Variants in MSI2 observed in about 807,000 individuals in gnomAD.
The protein encoded by MSI2 is RNA-binding protein Musashi homolog 2.
A neutral mutation model predicts 45.6 loss-of-function variants in MSI2; 17 were observed. The ratio of observed to expected loss-of-function variants is 0.37; its 90% confidence interval spans 0.26 to 0.56. MSI2 has a LOEUF of 0.56. Ranked by LOEUF, MSI2 falls within the 20% of genes least tolerant of loss-of-function variation. The probability of loss-of-function intolerance (pLI) is 0.77; values close to 1 mark genes in which losing one functional copy is unlikely to be tolerated. For missense variants in MSI2, 293 were observed against 444.2 expected (o/e 0.66, Z 3.06); for synonymous variants, 156 against 158.2 (o/e 0.99, Z 0.11).
intron 6 of MSI2, among the ~76,000 whole-genome samples, chr17:57,460,999 G>A (rs2085216277): frequency 6.6e-6 from 1 of 152,206 alleles, no homozygotes; most frequent in South Asian, 2.1e-4. Context: ...AGCCCTCTTT[G>A]TAGGTGCTTT....
intron 7 of MSI2, among the ~76,000 whole-genome samples, chr17:57,547,848 A>G (rs1469658922): frequency 1.3e-5 from 2 of 151,944 alleles, no homozygotes; most frequent in East Asian, 1.9e-4. Flanking sequence ...CTCTAAGGAA[A>G]GGATTGTTTC....
At chr17:57,330,305 G>C (rs1178135721) in intron 5 of MSI2, among the ~76,000 whole-genome samples, 1 of 146,762 alleles carries the variant, frequency 6.8e-6, no homozygotes, top group African/African-American at 2.5e-5. Flanking sequence ...TTTTTTTTGA[G>C]ACAGAGTCTC....
At chr17:57,648,792 G>A (rs1018091614) in intron 10 of MSI2, among the ~76,000 whole-genome samples, 1 of 152,150 alleles carries the variant, frequency 6.6e-6, no homozygotes, top group Non-Finnish European at 1.5e-5. Flanking sequence ...CTCTGCTAAG[G>A]CAGTCCCCTC....
chr17:57,310,145 G>C (rs898945417), intron 5 of MSI2, among the ~76,000 whole-genome samples: 1 of 152,240 alleles, frequency 6.6e-6, no homozygotes, highest in Non-Finnish European at 1.5e-5. Context: ...GCCTGGACCT[G>C]TGTTCTGCTT....
At chr17:57,390,870 G>A (rs551567406) in intron 5 of MSI2, among the ~76,000 whole-genome samples, 47 of 152,142 alleles carry the variant, frequency 3.1e-4, no homozygotes, top group Admixed American at 5.9e-4. Context: ...CTGTAGTCTC[G>A]GCCATTCCTT....
intron 7 of MSI2, among the ~76,000 whole-genome samples, chr17:57,554,458 CT>C (rs2087384938): frequency 6.6e-6 from 1 of 152,178 alleles, no homozygotes; most frequent in South Asian, 2.1e-4. Context: ...CATCCCCCCT[CT>C]CCTCCTCAGC....
chr17:57,647,663 G>A (rs1313565758), intron 10 of MSI2, among the ~76,000 whole-genome samples: 1 of 148,290 alleles, frequency 6.7e-6, no homozygotes, highest in Non-Finnish European at 1.5e-5. Context: ...TTTTTTCTTC[G>A]AGACAGAGTC....
At chr17:57,661,762 G>A (rs1912008007) in intron 11 of MSI2, among the ~76,000 whole-genome samples, 1 of 152,078 alleles carries the variant, frequency 6.6e-6, no homozygotes, top group Non-Finnish European at 1.5e-5. Flanking sequence ...TGCCCTTGAG[G>A]TGGCCACTGT....
chr17:57,349,380 C>A (rs576956052), intron 5 of MSI2, among the ~76,000 whole-genome samples: 1 of 152,268 alleles, frequency 6.6e-6, no homozygotes, highest in South Asian at 2.1e-4. Flanking sequence ...TCACGGAGAA[C>A]GAATGCTCAT....
chr17:57,684,927 G>A (rs1913827895), downstream of MSI2, among the ~76,000 whole-genome samples: 1 of 152,130 alleles, frequency 6.6e-6, no homozygotes, highest in South Asian at 2.1e-4. Flanking sequence ...GGAGAGGGGT[G>A]TAGATTAACA....
At chr17:57,271,226 T>C (rs1389706537) in intron 5 of MSI2, among the ~76,000 whole-genome samples, 2 of 152,190 alleles carry the variant, frequency 1.3e-5, no homozygotes, top group African/African-American at 4.8e-5. Flanking sequence ...AATGGATTCT[T>C]TTTTTAGCCT....
intron 7 of MSI2, among the ~76,000 whole-genome samples, chr17:57,571,250 TGTTGAAGAGGA>T (rs2087869839): frequency 6.6e-6 from 1 of 152,116 alleles, no homozygotes; most frequent in Non-Finnish European, 1.5e-5. Flanking sequence ...TGCCTGTCAC[TGTTGAAGAGGA>T]GGGGCAGGCC....
At chr17:57,498,441 A>C (rs368314260) in intron 6 of MSI2, among the ~76,000 whole-genome samples, 1 of 152,228 alleles carries the variant, frequency 6.6e-6, no homozygotes, top group African/African-American at 2.4e-5. Context: ...GAGAACACGA[A>C]AGCTGTTGTT....
At chr17:57,665,486 C>T (rs780271289) in intron 11 of MSI2, among the ~76,000 whole-genome samples, 4 of 152,200 alleles carry the variant, frequency 2.6e-5, no homozygotes, top group Non-Finnish European at 4.4e-5. Context: ...TTAGTGCTTA[C>T]ATCAAAAATG....
At chr17:57,673,610 AAAAT>A (rs1390952395) in intron 11 of MSI2, among the ~76,000 whole-genome samples, 12 of 152,362 alleles carry the variant, frequency 7.9e-5, no homozygotes, top group African/African-American at 2.9e-4. Context: ...TTTGGAAAAG[AAAAT>A]AAAGTTTAAA....
At chr17:57,590,311 T>TA (rs890783766) in intron 7 of MSI2, among the ~76,000 whole-genome samples, 4 of 151,820 alleles carry the variant, frequency 2.6e-5, no homozygotes, top group South Asian at 2.1e-4. Flanking sequence ...CTCTCTGACC[T>TA]AAAAAAAAAT....
At chr17:57,366,038 C>T (rs987405123) in intron 5 of MSI2, among the ~76,000 whole-genome samples, 1 of 152,030 alleles carries the variant, frequency 6.6e-6, no homozygotes, top group Admixed American at 6.6e-5. Flanking sequence ...CTCAACCTCC[C>T]GAATAGCTGG....
chr17:57,615,934 A>G lies in MSI2; in HGVS notation c.538-36A>G, dbSNP rs951069579. 4 of 1,497,490 alleles carry G rather than the reference A, an allele frequency of 2.7e-6. No individual in the cohort carries two copies. In the African/African-American group the frequency reaches 5.5e-5, roughly 21 times the overall value. The allele number at this position is 1,497,490 out of a possible 1,614,324, so 92.8% of individuals were successfully genotyped here. ...TGCATTTGACATTTACGTGGAATTCATTTGCATCTCATTTGTTCGCCTTTC... is the reference window on the plus strand; with the variant it reads ...TGCATTTGACATTTACGTGGAATTCGTTTGCATCTCATTTGTTCGCCTTTC... On this transcript the variant is annotated intron_variant, in intron 8 of 13. Coordinates refer to ENST00000284073, the MANE Select transcript of MSI2 (RefSeq NM_138962.4).
intron 5 of MSI2, among the ~76,000 whole-genome samples, chr17:57,334,533 C>A (rs1914533623): frequency 6.6e-6 from 1 of 152,186 alleles, no homozygotes; most frequent in African/African-American, 2.4e-5. Context: ...ATGGCTCATG[C>A]CTGTAATCCC....
Sources: allele counts gnomAD v4.1 joint callset (sites outside exome capture counted in the v4.1 genomes callset), GRCh38; gene constraint gnomAD v4.1.1; transcripts MANE v1.5; gene names NCBI Gene and HGNC (gene_info 2026-07-23, HGNC 2026-07-21).